MICU3: variants seen among roughly 807,000 people sequenced by gnomAD.
The protein encoded by MICU3 is calcium uptake protein 3, mitochondrial.
A neutral mutation model predicts 66.5 loss-of-function variants in MICU3; 62 were observed. The observed-to-expected ratio is 0.93, with a 90% CI of 0.76 to 1.15. The LOEUF (loss-of-function observed/expected upper bound fraction) is 1.15. Among genes scored for constraint, MICU3 ranks in the 50% most tolerant of loss-of-function variants. The pLI, the probability that MICU3 is intolerant of heterozygous loss-of-function variation, is 0.00. For missense variants in MICU3, 779 were observed against 664.4 expected (o/e 1.17, Z -1.90); for synonymous variants, 308 against 240.7 (o/e 1.28, Z -2.59).
chr8:17,097,438 T>G (rs1800830462), intron 8 of MICU3, among the ~76,000 whole-genome samples: 1 of 151,780 alleles, frequency 6.6e-6, no homozygotes, highest in Admixed American at 6.6e-5. Flanking sequence ...AATACTTTAT[T>G]TACATTTTAT....
intron 1 of MICU3, 65 bp from the exon 2 acceptor site, chr8:17,064,019 A>G (rs1231057796): frequency 2.4e-6 from 3 of 1,242,872 alleles, no homozygotes; most frequent in Non-Finnish European, 3.3e-6. Context: ...AACATAATTA[A>G]AAGTATCTTC....
At chr8:17,087,301 A>G (rs549121433) in intron 7 of MICU3, among the ~76,000 whole-genome samples, 1 of 152,164 alleles carries the variant, frequency 6.6e-6, no homozygotes, top group East Asian at 1.9e-4. Context: ...TGAAGGGTAT[A>G]TCATACAATA....
At chr8:17,103,624 A>G (rs1274144801) in intron 9 of MICU3, among the ~76,000 whole-genome samples, 1 of 151,810 alleles carries the variant, frequency 6.6e-6, no homozygotes, top group African/African-American at 2.4e-5. Context: ...AGGAAGATCT[A>G]TAAAGCTATA....
chr8:17,098,563 A>G lies in MICU3; in HGVS notation c.984+10A>G. The G allele has an allele frequency of 6.4e-7, 1 of 1,554,354 alleles. No individual in the cohort carries two copies. The highest frequency in any genetic ancestry group is 8.9e-7 in the Non-Finnish European group (1 of 1,126,538). ...TTCAGACCTCGCAGAGGTATAATTA[A>G]ACCTCAACAAGGTCCTTGTACTATT... On this transcript the variant is annotated intron_variant, in intron 9 of 14. Transcript: ENST00000318063.
At chr8:17,063,908 AATTT>A (rs1818266290) in intron 1 of MICU3, among the ~76,000 whole-genome samples, 172 bp from the exon 2 acceptor site, 1 of 152,112 alleles carries the variant, frequency 6.6e-6, no homozygotes, top group Non-Finnish European at 1.5e-5. Context: ...TTCGAATATT[AATTT>A]ATTTTATTTA....
At chr8:17,123,488 G>T (rs1225021525), downstream of MICU3, among the ~76,000 whole-genome samples, 3 of 152,046 alleles carry the variant, frequency 2.0e-5, no homozygotes, top group Non-Finnish European at 4.4e-5. Flanking sequence ...GTAAAGAAGT[G>T]CAAGTTAAAA....
At chr8:17,128,486 G>T in the MICU3 span, among the ~76,000 whole-genome samples, 656 of 152,258 alleles carry the variant, frequency 4.3e-3, 6 homozygotes, top group African/African-American at 0.012. Flanking sequence ...TTCAAAAATT[G>T]TTACACAAAA....
chr8:17,039,149 A>T (rs965551657), intron 1 of MICU3, among the ~76,000 whole-genome samples: 8 of 152,138 alleles, frequency 5.3e-5, no homozygotes, highest in African/African-American at 1.9e-4. Flanking sequence ...AGTATTTTTA[A>T]ATTAAGTTAT....
intron 1 of MICU3, among the ~76,000 whole-genome samples, chr8:17,029,585 G>A (rs1002990946): frequency 6.6e-6 from 1 of 152,196 alleles, no homozygotes; most frequent in African/African-American, 2.4e-5. Flanking sequence ...GTCAAATAAT[G>A]TTAAAGTCCT....
At chr8:17,113,300 T>A (rs182899672) in intron 11 of MICU3, among the ~76,000 whole-genome samples, 67 of 152,372 alleles carry the variant, frequency 4.4e-4, no homozygotes, top group Admixed American at 3.7e-3. Context: ...TTAATTATGT[T>A]AATTTGCTGA....
chr8:17,090,457 T>C (rs1799931517), intron 7 of MICU3, 89 bp from the exon 8 acceptor site: 4 of 1,105,324 alleles, frequency 3.6e-6, no homozygotes, highest in East Asian at 4.8e-5. Context: ...TAATTGATTA[T>C]TTTGTCGTCT....
At chr8:17,066,828 T>C (rs1818796443) in intron 2 of MICU3, among the ~76,000 whole-genome samples, 1 of 152,022 alleles carries the variant, frequency 6.6e-6, no homozygotes, top group Admixed American at 6.6e-5. Flanking sequence ...ATTACAGGCG[T>C]GAGCTACTGT....
rs539571746 is a variant in MICU3, at chr8:17,041,593, A to AT, written c.381+13945dup. Among the ~76,000 whole-genome samples the AT allele has an allele frequency of 3.4e-3, 504 of 147,410 alleles. 1 individual carries two copies. Among genetic ancestry groups the AT allele is most frequent in the African/African-American group, 0.011 (458 of 40,378 alleles). The stretch of plus-strand genomic sequence containing the variant: ...TAGTAGCCTGAGGGACATGGAATTG[A>AT]TTTTTTTTTTTTAAGATGGAAGACC... On this transcript the variant is annotated intron_variant, in intron 1 of 14. Transcript: ENST00000318063.
rs987771445 is a variant in MICU3, at chr8:17,081,237, T to C, written c.647-456T>C. 2.6e-5 allele frequency among the ~76,000 whole-genome samples: 4 copies of C among 152,132 alleles called. No individual in the cohort carries two copies. In the East Asian group the frequency reaches 7.7e-4, roughly 29 times the overall value. On this transcript the variant is annotated intron_variant, in intron 4 of 14. Coordinates refer to ENST00000318063, the MANE Select transcript of MICU3 (RefSeq NM_181723.3). The stretch of plus-strand genomic sequence containing the variant: ...TACTCTTAAAATGCGAAACATCACA[T>C]TTCTAAGTAACAGGGTCTAAGTGTT...
chr8:17,069,618 G>A, intron 2 of MICU3, 70 bp from the exon 3 acceptor site: 1 of 976,812 alleles, frequency 1.0e-6, no homozygotes, highest in Non-Finnish European at 1.5e-6. Context: ...GGTTGTAGAT[G>A]GTTAGCAAAT....
chr8:17,035,277 A>G (rs1812770557), intron 1 of MICU3, among the ~76,000 whole-genome samples: 1 of 152,184 alleles, frequency 6.6e-6, no homozygotes, highest in Non-Finnish European at 1.5e-5. Context: ...GAGTAAATGG[A>G]TACTGGTAGA....
At position 17,077,852 on chromosome 8, in the gene MICU3, A is replaced by G; in HGVS notation, c.637A>G (p.Lys213Glu). 6.2e-7 allele frequency: 1 copy of G among 1,609,100 alleles called. No individual in the cohort carries two copies. The highest frequency in any genetic ancestry group is 1.1e-5 in the South Asian group (1 of 90,816). Residue 213 changes from lysine to glutamate, a missense_variant, in exon 4 of 15, where the codon AAA (lysine) becomes GAA (glutamate). By Grantham distance (56) the Lys-to-Glu change is moderately conservative (BLOSUM62 1). Transcript: ENST00000318063. ...KGSSKLFRNL[K>E]EKGVISYTEY... ...CTCATCGAAGCTATTTCGAAATCTT[A>G]AAGAAAAAGGTGAGTTAACCTTAGT... is the stretch of plus-strand genomic sequence containing the variant.
chr8:17,116,506 C>T lies in MICU3; in HGVS notation c.1430C>T (p.Thr477Ile), dbSNP rs1802694639. The T allele has an allele frequency of 4.5e-6, 7 of 1,565,120 alleles. No homozygotes were observed. The highest frequency in any genetic ancestry group is 6.0e-6 in the Non-Finnish European group (7 of 1,162,202). Residue 477 changes from threonine (T) to isoleucine (I), a missense_variant, in exon 13 of 15, where the codon ACT (threonine) becomes ATT (isoleucine). Coordinates refer to ENST00000318063, the MANE Select transcript of MICU3 (RefSeq NM_181723.3). ...AAATTTTCACCACATTTAGTGAACACTGTCTTCAAGATTTTTGATGTTGAC... is the reference window on the plus strand; with the variant it reads ...AAATTTTCACCACATTTAGTGAACATTGTCTTCAAGATTTTTGATGTTGAC... ...GLKFSPHLVN[T>I]VFKIFDVDKD...
intron 1 of MICU3, among the ~76,000 whole-genome samples, chr8:17,034,644 G>T (rs1812670918): frequency 1.3e-5 from 2 of 152,138 alleles, no homozygotes; most frequent in African/African-American, 2.4e-5. Context: ...TGACCTCAAG[G>T]GATTCAAGAT....
Sources: allele counts gnomAD v4.1 joint callset (sites outside exome capture counted in the v4.1 genomes callset), GRCh38; gene constraint gnomAD v4.1.1; transcripts MANE v1.5; gene names NCBI Gene and HGNC (gene_info 2026-07-23, HGNC 2026-07-21).